Variants in RPAP2 observed in about 807,000 individuals in gnomAD.
RPAP2 encodes the protein RNA polymerase II associated protein 2.
Under a neutral mutation model 73.1 loss-of-function variants are expected in RPAP2, and 52 were observed. That is an observed-to-expected ratio of 0.71 (90% CI 0.57 to 0.90). The LOEUF (loss-of-function observed/expected upper bound fraction) is 0.90. Among genes scored for constraint, RPAP2 ranks in the 40% least tolerant of loss-of-function variants. RPAP2 has a pLI of 0.00. For synonymous variants in RPAP2, 225 were observed against 242.1 expected, an observed-to-expected ratio of 0.93 and a Z score of 0.65; for missense variants, 598 against 701.8, an observed-to-expected ratio of 0.85 and a Z score of 1.67.
chr1:92,380,658 G>C (rs1373117180), intron 11 of RPAP2, 66 bp from the exon 12 acceptor site: 1 of 1,137,788 alleles, frequency 8.8e-7, no homozygotes, highest in Non-Finnish European at 1.2e-6. Context: ...CTGCCATGTT[G>C]AAGATAGGAG....
intron 11 of RPAP2, among the ~76,000 whole-genome samples, chr1:92,368,441 T>TA (rs1655017306): frequency 6.6e-6 from 1 of 152,150 alleles, no homozygotes; most frequent in African/African-American, 2.4e-5. Flanking sequence ...ATAAAAAACA[T>TA]AGAGATTCAT....
chr1:92,307,312 A>G, intron 6 of RPAP2, 36 bp downstream of exon 6: 1 of 1,358,828 alleles, frequency 7.4e-7, no homozygotes, highest in Non-Finnish European at 1.0e-6. Flanking sequence ...ATTTGTTCAT[A>G]TATTCTAATA....
chr1:92,383,917 T>A (rs1655756003), intron 12 of RPAP2, among the ~76,000 whole-genome samples: 1 of 152,086 alleles, frequency 6.6e-6, no homozygotes, highest in Non-Finnish European at 1.5e-5. Flanking sequence ...GCTCTTATTA[T>A]GTCTGTCATT....
chr1:92,372,197 TATC>T (rs1393849827), intron 11 of RPAP2, among the ~76,000 whole-genome samples: 5 of 152,142 alleles, frequency 3.3e-5, no homozygotes, highest in African/African-American at 1.2e-4. Flanking sequence ...GTAAATCTCA[TATC>T]ATTTAGAATG....
chr1:92,311,165 C>T (rs1301997576), intron 6 of RPAP2, among the ~76,000 whole-genome samples: 1 of 152,084 alleles, frequency 6.6e-6, no homozygotes, highest in Non-Finnish European at 1.5e-5. Flanking sequence ...ATTTAGCTCA[C>T]GTTTTTGGTT....
chr1:92,365,462 A>AT (rs945153831), intron 11 of RPAP2, among the ~76,000 whole-genome samples: 2 of 152,202 alleles, frequency 1.3e-5, no homozygotes, highest in African/African-American at 4.8e-5. Context: ...GGGCATAAGA[A>AT]TTTTTTAAGT....
chr1:92,353,337 C>G (rs1168656876), intron 11 of RPAP2, among the ~76,000 whole-genome samples: 8 of 152,156 alleles, frequency 5.3e-5, no homozygotes, highest in Admixed American at 5.2e-4. Context: ...AAAGATTGAA[C>G]TTTACAAATT....
At chr1:92,338,909 C>G (rs564607316) in intron 10 of RPAP2, among the ~76,000 whole-genome samples, 32 of 152,108 alleles carry the variant, frequency 2.1e-4, no homozygotes, top group African/African-American at 7.7e-4. Flanking sequence ...AGCTCCTGAC[C>G]ATTTCATTGA....
At chr1:92,375,999 C>CAA (rs1234687722) in intron 11 of RPAP2, among the ~76,000 whole-genome samples, 1,062 of 65,244 alleles carry the variant, frequency 0.016, 13 homozygotes, top group African/African-American at 0.043. Context: ...GACTCTGTCT[C>CAA]AAAAAAAAAA....
At chr1:92,376,711 T>C (rs11164288) in intron 11 of RPAP2, among the ~76,000 whole-genome samples, 88,458 of 152,128 alleles carry the variant, frequency 0.58, 28,150 homozygotes, top group East Asian at 0.96. Flanking sequence ...ATTCCTTCTG[T>C]ATGTTCATTG....
chr1:92,383,393 AC>A (rs1468050633), intron 12 of RPAP2, among the ~76,000 whole-genome samples: 10 of 152,140 alleles, frequency 6.6e-5, no homozygotes, highest in Non-Finnish European at 1.0e-4. Context: ...GATTCTTCCT[AC>A]CCATGAGCAT....
rs535404459 is a variant in RPAP2, at chr1:92,389,655, T to G, written c.*2644T>G. On this transcript the variant is annotated 3_prime_UTR_variant, in exon 13 of 13. Coordinates refer to ENST00000610020, the MANE Select transcript of RPAP2 (RefSeq NM_024813.3). ...GAAGCTAAAAATCTTGAAAAAAGGT[T>G]AGACAAATGGCTAACTAGAATAACC... The G allele has an allele frequency of 1.8e-4, 27 of 152,328 alleles. No homozygotes were observed. Among genetic ancestry groups the G allele is most frequent in the African/African-American group, 5.3e-4 (22 of 41,562 alleles). The allele number at this position is 152,328 out of a possible 1,614,324, so 9.4% of individuals were successfully genotyped here.
chr1:92,300,316 T>C, intron 2 of RPAP2, 77 bp downstream of exon 2: 1 of 1,169,444 alleles, frequency 8.6e-7, no homozygotes. Context: ...AAAACAATAA[T>C]GGTTACCTTT....
intron 11 of RPAP2, among the ~76,000 whole-genome samples, chr1:92,351,455 C>T (rs988704021): frequency 6.6e-6 from 1 of 151,862 alleles, no homozygotes; most frequent in African/African-American, 2.4e-5. Flanking sequence ...AGTAAAGAAT[C>T]ACTTTTAATC....
rs1653074852 is a variant in RPAP2 at position 92,333,176 on chromosome 1, A to G, written c.1456-215A>G. On this transcript the variant is annotated intron_variant, in intron 8 of 12. Transcript: ENST00000610020. ...AATATCCCAATTATAAAGATGAGAA[A>G]ACTGACTCTCCAAAGAGGGCAAATG... 25 of 490,152 alleles carry G rather than the reference A, an allele frequency of 5.1e-5. No individual in the cohort carries two copies. The South Asian group carries it at 9.7e-4, about 19-fold the overall frequency. 30.4% of individuals were successfully genotyped at this position (490,152 alleles called of 1,614,324 possible). A position where few individuals can be genotyped will look rare whatever the true frequency, so the allele number is the denominator to read the frequency against.
At chr1:92,338,816 C>T (rs1331090509) in intron 10 of RPAP2, among the ~76,000 whole-genome samples, 2 of 151,726 alleles carry the variant, frequency 1.3e-5, no homozygotes, top group Non-Finnish European at 2.9e-5. Context: ...CACTATGTTG[C>T]CCAGGCTGGT....
In RPAP2 at chr1:92,300,234, T is replaced by C. The variant is rs374443226; in HGVS notation, c.114T>C (p.Ser38=). 6.5e-5 allele frequency: 105 copies of C among 1,608,432 alleles called. No individual in the cohort carries two copies. Among genetic ancestry groups the C allele is most frequent in the Non-Finnish European group, 8.3e-5 (98 of 1,175,226 alleles). ...GTACTTTGAAACAAGAAGATGCTTC[T>C]AAAAGGTATGACAGCTACATGGACA... ...QTSTLKQEDA[S]KRKAELEAAV... Residue 38 remains serine (S), a synonymous_variant, in exon 2 of 13, where the codon TCT becomes TCC. Coordinates refer to ENST00000610020, the MANE Select transcript of RPAP2 (RefSeq NM_024813.3).
rs1157882054 is a variant in RPAP2, at chr1:92,373,763, A to T, written c.1689-6961A>T. ...ATAAAAAAAAAAAAAAAAAAAAAAA[A>T]AAAAAAAGTAGCCAGGCGTGGTGGT... On this transcript the variant is annotated intron_variant, in intron 11 of 12. Transcript: ENST00000610020. Among the ~76,000 whole-genome samples the T allele has an allele frequency of 4.1e-5, 6 of 147,050 alleles. 1 individual carries two copies. Among genetic ancestry groups the T allele is most frequent in the African/African-American group, 1.5e-4 (6 of 39,500 alleles).
At chr1:92,325,743 C>T (rs1457704078) in intron 8 of RPAP2, among the ~76,000 whole-genome samples, 1 of 151,982 alleles carries the variant, frequency 6.6e-6, no homozygotes, top group East Asian at 1.9e-4. Flanking sequence ...CTAATCAGCA[C>T]CTCTTTCCAA....
Sources: allele counts gnomAD v4.1 joint callset (sites outside exome capture counted in the v4.1 genomes callset), GRCh38; gene constraint gnomAD v4.1.1; transcripts MANE v1.5; gene names NCBI Gene and HGNC (gene_info 2026-07-23, HGNC 2026-07-21).